RBFOX1: variants seen among roughly 807,000 people sequenced by gnomAD.
RBFOX1 encodes the protein RNA binding fox-1 homolog 1, also known as RNA binding protein fox-1 homolog 1.
A neutral mutation model predicts 57.7 loss-of-function variants in RBFOX1; 8 were observed. The observed-to-expected ratio is 0.14, with a 90% CI of 0.08 to 0.25. The LOEUF (loss-of-function observed/expected upper bound fraction) is 0.25. Among genes scored for constraint, RBFOX1 ranks in the 10% least tolerant of loss-of-function variants. The probability of loss-of-function intolerance (pLI) is 1.00; values close to 1 mark genes in which losing one functional copy is unlikely to be tolerated. For synonymous variants in RBFOX1, 326 were observed against 222.4 expected, an observed-to-expected ratio of 1.47 and a Z score of -4.15; for missense variants, 611 against 548.5, an observed-to-expected ratio of 1.11 and a Z score of -1.14.
intron 4 of RBFOX1, among the ~76,000 whole-genome samples, chr16:7,489,171 C>G (rs2066248839): frequency 6.6e-6 from 1 of 152,060 alleles, no homozygotes; most frequent in African/African-American, 2.4e-5. Context: ...ACTGTTTGTC[C>G]TTTTGTTTCT....
intron 2 of RBFOX1, among the ~76,000 whole-genome samples, chr16:5,558,605 G>C (rs902087436): frequency 1.3e-5 from 2 of 152,118 alleles, no homozygotes; most frequent in Non-Finnish European, 2.9e-5. Flanking sequence ...TCCTTGTCAA[G>C]GGGATTCTGA....
intron 2 of RBFOX1, among the ~76,000 whole-genome samples, chr16:5,574,057 T>G (rs572141179): frequency 6.6e-6 from 1 of 152,374 alleles, no homozygotes; most frequent in Non-Finnish European, 1.5e-5. Context: ...ATTCTTCTGA[T>G]GAGCTCTTGA....
chr16:5,998,445 A>T (rs956930553), intron 4 of RBFOX1, among the ~76,000 whole-genome samples: 3 of 152,254 alleles, frequency 2.0e-5, no homozygotes, highest in African/African-American at 7.2e-5. Context: ...CGGGCAAGCG[A>T]ACTTCTATCT....
intron 1 of RBFOX1, among the ~76,000 whole-genome samples, chr16:5,291,698 G>A (rs36029984): frequency 0.098 from 14,887 of 152,076 alleles, 801 homozygotes; most frequent in Middle Eastern, 0.17. Flanking sequence ...GGAAAACACA[G>A]GCCAGTCAGG....
chr16:6,819,388 AGAGTTT>A, intron 3 of RBFOX1, among the ~76,000 whole-genome samples: 1 of 152,192 alleles, frequency 6.6e-6, no homozygotes, highest in Admixed American at 6.5e-5. Context: ...ACATGGCTGT[AGAGTTT>A]AAGTTGCAAA....
At chr16:7,491,060 A>G (rs140512494) in intron 4 of RBFOX1, among the ~76,000 whole-genome samples, 2 of 152,222 alleles carry the variant, frequency 1.3e-5, no homozygotes, top group African/African-American at 2.4e-5. Flanking sequence ...GAGACAACCA[A>G]ATGGCTCACA....
intron 4 of RBFOX1, among the ~76,000 whole-genome samples, chr16:7,410,884 T>C (rs1023049654): frequency 1.3e-5 from 2 of 150,950 alleles, no homozygotes; most frequent in Non-Finnish European, 1.5e-5. Context: ...ACCCTAATTG[T>C]GGGGAGTACT....
intron 5 of RBFOX1, among the ~76,000 whole-genome samples, chr16:7,570,455 A>C (rs775117443): frequency 1.5e-4 from 23 of 152,224 alleles, no homozygotes; most frequent in Admixed American, 1.2e-3. Flanking sequence ...ATCATCTACC[A>C]CATTTTACTC....
rs117593856 is a variant in RBFOX1 at position 6,437,732 on chromosome 16, A to G, written c.-64+120675A>G. ...GGAATGGCGAAGGGGAAGCAAGCAC[A>G]TCTTCACATGGTGGCAGGAGAGAGA... is the stretch of plus-strand genomic sequence containing the variant. On this transcript the variant is annotated intron_variant, in intron 2 of 15. Transcript: ENST00000550418. Among the ~76,000 whole-genome samples the G allele has an allele frequency of 5.7e-3, 864 of 152,302 alleles. 8 individuals carry two copies. The highest frequency in any genetic ancestry group is 9.0e-3 in the Non-Finnish European group (612 of 68,024).
intron 4 of RBFOX1, among the ~76,000 whole-genome samples, chr16:5,907,653 G>T (rs12448194): frequency 0.06 from 9,119 of 152,116 alleles, 362 homozygotes; most frequent in African/African-American, 0.093. Flanking sequence ...GACGATGCAT[G>T]TGGGGAAGTT....
intron 2 of RBFOX1, among the ~76,000 whole-genome samples, chr16:5,477,078 A>G (rs1174902636): frequency 6.6e-6 from 1 of 152,222 alleles, no homozygotes; most frequent in Non-Finnish European, 1.5e-5. Flanking sequence ...TGGTGGTACA[A>G]TGAAGGCTCA....
chr16:6,856,571 G>T (rs1464917554), intron 3 of RBFOX1, among the ~76,000 whole-genome samples: 1 of 152,098 alleles, frequency 6.6e-6, no homozygotes. Flanking sequence ...TTCCCATCAG[G>T]TGATATTCTG....
At chr16:7,171,629 A>C (rs1461265904) in intron 4 of RBFOX1, among the ~76,000 whole-genome samples, 1 of 152,186 alleles carries the variant, frequency 6.6e-6, no homozygotes, top group Admixed American at 6.5e-5. Flanking sequence ...ATGACATGGA[A>C]GGGGCCATTT....
intron 2 of RBFOX1, among the ~76,000 whole-genome samples, chr16:6,518,078 G>C (rs573591518): frequency 1.3e-5 from 2 of 152,194 alleles, no homozygotes; most frequent in South Asian, 4.2e-4. Context: ...TTTTCCTTTT[G>C]TTTCTTTTCA....
intron 3 of RBFOX1, among the ~76,000 whole-genome samples, chr16:6,926,892 C>G (rs1342291674): frequency 1.3e-5 from 2 of 152,104 alleles, no homozygotes; most frequent in African/African-American, 2.4e-5. Flanking sequence ...GCGCATTGTC[C>G]TAGCAGGTAC....
chr16:7,675,343 C>G (rs1407529661), intron 13 of RBFOX1, among the ~76,000 whole-genome samples: 2 of 151,966 alleles, frequency 1.3e-5, no homozygotes, highest in Non-Finnish European at 2.9e-5. Flanking sequence ...ATTTGGAACA[C>G]CAGGTGGCAT....
At chr16:7,704,654 G>A (rs535929162) in intron 14 of RBFOX1, among the ~76,000 whole-genome samples, 1 of 152,296 alleles carries the variant, frequency 6.6e-6, no homozygotes, top group East Asian at 1.9e-4. Flanking sequence ...TCTCGTTCCA[G>A]GAGGGTGAAA....
intron 4 of RBFOX1, among the ~76,000 whole-genome samples, chr16:7,303,402 G>T (rs574774494): frequency 6.6e-6 from 1 of 152,066 alleles, no homozygotes; most frequent in Non-Finnish European, 1.5e-5. Context: ...CAAGGAATCC[G>T]GCAAACGCAC....
chr16:5,832,613 A>C (rs559262243), intron 3 of RBFOX1, among the ~76,000 whole-genome samples: 1 of 152,278 alleles, frequency 6.6e-6, no homozygotes, highest in East Asian at 1.9e-4. Flanking sequence ...CACCTATTTG[A>C]TGTCTCTCCC....
Sources: allele counts gnomAD v4.1 joint callset (sites outside exome capture counted in the v4.1 genomes callset), GRCh38; gene constraint gnomAD v4.1.1; transcripts MANE v1.5; gene names NCBI Gene and HGNC (gene_info 2026-07-23, HGNC 2026-07-21).